Variants in PCDHGA11 observed in about 807,000 individuals in gnomAD.
PCDHGA11 encodes protocadherin gamma-A11.
A neutral mutation model predicts 60.4 loss-of-function variants in PCDHGA11; 39 were observed. The ratio of observed to expected loss-of-function variants is 0.65; its 90% CI spans 0.50 to 0.84. The LOEUF is 0.84. PCDHGA11 is among the 40% of genes least tolerant of loss of function. The probability of loss-of-function intolerance (pLI) is 0.00; values close to 1 mark genes in which losing one functional copy is unlikely to be tolerated. For synonymous variants in PCDHGA11, 533 were observed against 510.3 expected (o/e 1.04, Z -0.60); for missense variants, 1,165 against 1,197.7 (o/e 0.97, Z 0.40).
rs764434052 is a variant in PCDHGA11, at chr5:141,431,792, C to T, written c.2433+8132C>T. ...TGTTCTGGACGTGAACGACAATGCC[C>T]CAGAAGTGGTCCTCACCTCTCTCGC... is the stretch of plus-strand genomic sequence containing the variant. On this transcript the variant is annotated intron_variant, in intron 1 of 3. Transcript: ENST00000398587. This position sits in a 1 kb window ranked among gnomAD's most constrained non-coding sequence, Gnocchi z 4.8. The T allele has an allele frequency of 3.7e-6, 6 of 1,614,234 alleles. No homozygotes were observed. The South Asian group carries it at 6.6e-5, about 18-fold the overall frequency.
Position 141,485,164 on chromosome 5 carries a change from G to A in PCDHGA11, c.2434-9643G>A, listed in dbSNP as rs2099608516. 2 of 1,605,832 alleles carry A rather than the reference G, an allele frequency of 1.2e-6. No homozygotes were observed. Among genetic ancestry groups the A allele is most frequent in the Admixed American group, 1.7e-5 (1 of 59,836 alleles). On this transcript the variant is annotated intron_variant, in intron 1 of 3. Coordinates refer to ENST00000398587, the MANE Select transcript of PCDHGA11 (RefSeq NM_018914.3). This position sits in a 1 kb window ranked among gnomAD's most constrained non-coding sequence, Gnocchi z 5.7. ...CTCAGGAGCAAGTAGAGAATTAGCG[G>A]GCGGCAGCAATGCTCCGCAAGGTGA...
chr5:141,441,810 C>A, intron 1 of PCDHGA11: 1 of 372,576 alleles, frequency 2.7e-6, no homozygotes. Context: ...GGTGCTGTAC[C>A]CCAGCTCTGG....
chr5:141,492,602 C>G (rs1352851783), intron 1 of PCDHGA11, among the ~76,000 whole-genome samples: 2 of 152,222 alleles, frequency 1.3e-5, no homozygotes, highest in Non-Finnish European at 2.9e-5. Flanking sequence ...GAGCGACTGC[C>G]GCTCTAAGTG....
In PCDHGA11 at chr5:141,489,663, C is replaced by T. The variant is rs1183544696; in HGVS notation, c.2434-5144C>T. The T allele has an allele frequency of 1.9e-6, 3 of 1,614,048 alleles. No individual in the cohort carries two copies. The highest frequency in any genetic ancestry group is 2.2e-5 in the South Asian group (2 of 91,094). ...TTGCCACCCCTGAGCGAGAGATGCGCATCTCAGAATCAGCAGCATCTGGGG... is the reference window on the plus strand; with the variant it reads ...TTGCCACCCCTGAGCGAGAGATGCGTATCTCAGAATCAGCAGCATCTGGGG... On this transcript the variant is annotated intron_variant, in intron 1 of 3. Coordinates refer to ENST00000398587, the MANE Select transcript of PCDHGA11 (RefSeq NM_018914.3). This position sits in a 1 kb window ranked among gnomAD's most constrained non-coding sequence, Gnocchi z 4.5.
intron 1 of PCDHGA11, among the ~76,000 whole-genome samples, chr5:141,429,826 C>T (rs1211415098): frequency 2.6e-5 from 4 of 152,054 alleles, no homozygotes; most frequent in Non-Finnish European, 4.4e-5. Context: ...GGTCAGTTAC[C>T]CAGGAAAAGG....
In PCDHGA11 at chr5:141,431,716, G is replaced by T; in HGVS notation, c.2433+8056G>T. On this transcript the variant is annotated intron_variant, in intron 1 of 3. Transcript: ENST00000398587. The surrounding 1 kb of genome is among the most constrained non-coding windows in gnomAD (Gnocchi z 4.8). ...AGTCAGGATTCTACCAGATGGAAGT[G>T]CAAGCAATGGATAATGCAGGATATT... 1 of 1,614,244 alleles carries T rather than the reference G, an allele frequency of 6.2e-7. No homozygotes were observed. Among genetic ancestry groups the T allele is most frequent in the Middle Eastern group, 1.6e-4 (1 of 6,062 alleles).
chr5:141,442,149 T>C, intron 1 of PCDHGA11: 1 of 159,274 alleles, frequency 6.3e-6, no homozygotes, highest in Non-Finnish European at 1.4e-5. Flanking sequence ...CTGCCAGACC[T>C]CAGCGATCAC....
At chr5:141,502,547 C>G (rs1340258642) in intron 2 of PCDHGA11, among the ~76,000 whole-genome samples, 2 of 152,156 alleles carry the variant, frequency 1.3e-5, no homozygotes, top group East Asian at 3.8e-4. Context: ...GTGGTAAAAA[C>G]AGTGTCCCAG....
intron 1 of PCDHGA11, among the ~76,000 whole-genome samples, chr5:141,439,530 C>T (rs1003383726): frequency 6.6e-6 from 1 of 152,180 alleles, no homozygotes; most frequent in Non-Finnish European, 1.5e-5. Flanking sequence ...CTCTACAGAA[C>T]GCTGTCCTCT....
intron 2 of PCDHGA11, among the ~76,000 whole-genome samples, chr5:141,497,540 C>CTT (rs754207034): frequency 2.8e-4 from 38 of 134,912 alleles, no homozygotes; most frequent in African/African-American, 8.9e-4. Context: ...TGCAACAAAC[C>CTT]TTTTTTTTTT....
At position 141,491,150 on chromosome 5, in the gene PCDHGA11, A is replaced by G; in HGVS notation, c.2434-3657A>G. On this transcript the variant is annotated intron_variant, in intron 1 of 3. Coordinates refer to ENST00000398587, the MANE Select transcript of PCDHGA11 (RefSeq NM_018914.3). This position sits in a 1 kb window ranked among gnomAD's most constrained non-coding sequence, Gnocchi z 6.9. ...CGCACAGCCCGGGCCTTACTGGAGG[A>G]TGACTCTGACACCCAGCAGGTGGTG... is the stretch of plus-strand genomic sequence containing the variant. 1 of 1,614,122 alleles carries G rather than the reference A, an allele frequency of 6.2e-7. No individual in the cohort carries two copies. Among genetic ancestry groups the G allele is most frequent in the African/African-American group, 1.3e-5 (1 of 75,060 alleles).
intron 1 of PCDHGA11, among the ~76,000 whole-genome samples, chr5:141,452,522 A>G (rs924248463): frequency 6.6e-6 from 1 of 152,310 alleles, no homozygotes; most frequent in African/African-American, 2.4e-5. Context: ...CTCCCTCAAA[A>G]TCGTGAGTTC....
chr5:141,423,760 G>GT, intron 1 of PCDHGA11, 100 bp downstream of exon 1: 1 of 279,664 alleles, frequency 3.6e-6, no homozygotes, highest in Non-Finnish European at 5.3e-6. Flanking sequence ...TGGGGGGGGG[G>GT]TGGGGCGGCA....
At chr5:141,453,989 A>T (rs902043628) in intron 1 of PCDHGA11, among the ~76,000 whole-genome samples, 6 of 152,256 alleles carry the variant, frequency 3.9e-5, no homozygotes, top group African/African-American at 1.4e-4. Context: ...CCTTCCAGTG[A>T]TAAACCCACA....
chr5:141,435,737 T>C (rs944951200), intron 1 of PCDHGA11, among the ~76,000 whole-genome samples: 1 of 152,202 alleles, frequency 6.6e-6, no homozygotes, highest in Non-Finnish European at 1.5e-5. Context: ...TATTACTCTT[T>C]GAAAAGCATT....
Position 141,477,029 on chromosome 5 carries a change from A to T in PCDHGA11, c.2434-17778A>T, listed in dbSNP as rs754045855. ...CTTAGACCTTGTAACCGGGATGCTG[A>T]CAATCAAGGGTCGGCTGGACTTCGA... On this transcript the variant is annotated intron_variant, in intron 1 of 3. Transcript: ENST00000398587. This position sits in a 1 kb window ranked among gnomAD's most constrained non-coding sequence, Gnocchi z 4.9. 2 of 1,614,238 alleles carry T rather than the reference A, an allele frequency of 1.2e-6. No homozygotes were observed. The highest frequency in any genetic ancestry group is 3.3e-5 in the Admixed American group (2 of 60,028).
chr5:141,491,071 C>A lies in PCDHGA11; in HGVS notation c.2434-3736C>A, dbSNP rs987564933. ...TGCGTGGCTCTCCTACTCACTGTTG[C>A]CACAGTCCACAGCCCCAGGACTGTT... On this transcript the variant is annotated intron_variant, in intron 1 of 3. Transcript: ENST00000398587. This position sits in a 1 kb window ranked among gnomAD's most constrained non-coding sequence, Gnocchi z 6.9. 2 of 1,614,034 alleles carry A rather than the reference C, an allele frequency of 1.2e-6. No individual in the cohort carries two copies. The highest frequency in any genetic ancestry group is 1.7e-6 in the Non-Finnish European group (2 of 1,180,036).
chr5:141,438,545 A>C (rs915206342), intron 1 of PCDHGA11, among the ~76,000 whole-genome samples: 4 of 140,354 alleles, frequency 2.8e-5, no homozygotes, highest in Admixed American at 7.4e-5. Flanking sequence ...TCTATATCTA[A>C]GCCCTAATAA....
intron 1 of PCDHGA11, among the ~76,000 whole-genome samples, chr5:141,459,220 A>G (rs1234283814): frequency 6.6e-6 from 1 of 152,234 alleles, no homozygotes; most frequent in Non-Finnish European, 1.5e-5. Flanking sequence ...CTCCAGCTCC[A>G]GGCAACAACT....
Sources: allele counts gnomAD v4.1 joint callset (sites outside exome capture counted in the v4.1 genomes callset), GRCh38; gene constraint gnomAD v4.1.1; non-coding constraint Gnocchi (gnomAD v3.1); transcripts MANE v1.5; gene names NCBI Gene and HGNC (gene_info 2026-07-23, HGNC 2026-07-21).